The following PSMC5 variants were observed in gnomAD, a reference collection of about 807,000 sequenced individuals.
PSMC5 encodes the protein 26S proteasome regulatory subunit 8.
Under a neutral mutation model 49.1 loss-of-function variants are expected in PSMC5, and 11 were observed. The ratio of observed to expected loss-of-function variants is 0.22; its 90% CI spans 0.14 to 0.37. PSMC5 has a LOEUF of 0.37. Ranked by LOEUF, PSMC5 falls within the 10% of genes least tolerant of loss-of-function variation. The pLI is 1.00. For missense variants in PSMC5, 229 were observed against 520.9 expected (o/e 0.44, Z 5.45); for synonymous variants, 206 against 192.2 (o/e 1.07, Z -0.59).
chr17:63,827,767 C>A, intron 1 of PSMC5: 1 of 1,431,666 alleles, frequency 7.0e-7, no homozygotes, highest in Non-Finnish European at 9.1e-7. Context: ...AATGGCCGGC[C>A]CACGGGTCGC....
rs1281981456 is a variant in PSMC5, at chr17:63,831,871, T to G, written c.1168-45T>G. 2 of 1,612,558 alleles carry G rather than the reference T, an allele frequency of 1.2e-6. No individual in the cohort carries two copies. The highest frequency in any genetic ancestry group is 1.7e-5 in the Admixed American group (1 of 60,022). On this transcript the variant is annotated intron_variant, in intron 11 of 11. Transcript: ENST00000310144. The surrounding 1 kb of genome is among the most constrained non-coding windows in gnomAD (Gnocchi z 6.3). ...GGCTCTGGGGCAGTGGGCTAGGGCA[T>G]GTGTGTGTTCGTAACTTAATGTTCA...
In PSMC5 at chr17:63,830,805, G is replaced by A; in HGVS notation, c.553-4G>A. On this transcript the variant is annotated splice_region_variant and splice_polypyrimidine_tract_variant and intron_variant, in intron 6 of 11. Coordinates refer to ENST00000310144, the MANE Select transcript of PSMC5 (RefSeq NM_002805.6). This position sits in a 1 kb window ranked among gnomAD's most constrained non-coding sequence, Gnocchi z 4.0. ...CTGCCCTGAGTCCTGCTGTTCCCCT[G>A]TAGGGAGTGCTGCTGTATGGACCTC... is the stretch of plus-strand genomic sequence containing the variant. 1.9e-6 allele frequency: 3 copies of A among 1,613,898 alleles called. No homozygotes were observed. Among genetic ancestry groups the A allele is most frequent in the Middle Eastern group, 1.6e-4 (1 of 6,062 alleles).
chr17:63,827,658 G>A, intron 1 of PSMC5, 144 bp downstream of exon 1: 2 of 1,493,972 alleles, frequency 1.3e-6, no homozygotes, highest in Admixed American at 4.6e-5. Flanking sequence ...GCCTGCGACC[G>A]GATCTGCTGT....
At position 63,830,778 on chromosome 17, in the gene PSMC5, T is replaced by C; in HGVS notation, c.553-31T>C. 5 of 1,612,900 alleles carry C rather than the reference T, an allele frequency of 3.1e-6. No individual in the cohort carries two copies. The highest frequency in any genetic ancestry group is 4.2e-6 in the Non-Finnish European group (5 of 1,179,386). On this transcript the variant is annotated intron_variant, in intron 6 of 11. Transcript: ENST00000310144. This position sits in a 1 kb window ranked among gnomAD's most constrained non-coding sequence, Gnocchi z 4.0. ...ACTGAATGAAATGAGGGGTGTAGCTTTCTGCCCTGAGTCCTGCTGTTCCCC... is the reference window on the plus strand; with the variant it reads ...ACTGAATGAAATGAGGGGTGTAGCTCTCTGCCCTGAGTCCTGCTGTTCCCC...
Position 63,830,352 on chromosome 17 carries a change from G to T in PSMC5, c.403G>T (p.Val135Leu). 1 of 1,614,242 alleles carries T rather than the reference G, an allele frequency of 6.2e-7. No individual in the cohort carries two copies. Among genetic ancestry groups the T allele is most frequent in the South Asian group, 1.1e-5 (1 of 91,086 alleles). ...KILPNKVDPL[V>L]SLMMVEKVPD... is the part of the protein sequence containing the mutation. ...CCTGCCCAACAAGGTAGACCCATTA[G>T]TGTCACTGATGATGGTGGAGAAAGT... The change falls in exon 6 of 12, where the codon GTG (valine) becomes TTG (leucine). Residue 135 changes from valine (V) to leucine (L), a missense_variant. Around this residue, in one of 4 missense-constraint regions of PSMC5, gnomAD observed 10 missense variants for 22.3 expected, o/e 0.45. Coordinates refer to ENST00000310144, the MANE Select transcript of PSMC5 (RefSeq NM_002805.6). This position sits in a 1 kb window ranked among gnomAD's most constrained non-coding sequence, Gnocchi z 4.0.
Position 63,831,746 on chromosome 17 carries a change from T to C in PSMC5, c.1103T>C (p.Met368Thr), listed in dbSNP as rs1309185813. 1 of 1,614,172 alleles carries C rather than the reference T, an allele frequency of 6.2e-7. No individual in the cohort carries two copies. Among genetic ancestry groups the C allele is most frequent in the Admixed American group, 1.7e-5 (1 of 60,032 alleles). Residue 368 changes from methionine (M) to threonine (T), a missense_variant, in exon 11 of 12, where the codon ATG becomes ACG. By Grantham distance (81) the Met-to-Thr change is moderately conservative. Around this residue, in one of 4 missense-constraint regions of PSMC5, gnomAD observed 121 missense variants for 330.6 expected, o/e 0.37. Coordinates refer to ENST00000310144, the MANE Select transcript of PSMC5 (RefSeq NM_002805.6). The surrounding 1 kb of genome is among the most constrained non-coding windows in gnomAD (Gnocchi z 6.3). ...CAGGGCGTGTGCACAGAAGCTGGCA[T>C]GTATGCCCTGCGAGAACGGCGAGTC... ...EVKGVCTEAG[M>T]YALRERRVHV...
In PSMC5 at chr17:63,830,565, T is replaced by C; in HGVS notation, c.552+64T>C. On this transcript the variant is annotated intron_variant, in intron 6 of 11. Transcript: ENST00000310144. The surrounding 1 kb of genome is among the most constrained non-coding windows in gnomAD (Gnocchi z 4.0). Reference sequence around the variant, plus strand: ...TTACTCCTCCTGCCCCAGCCAGCCCTACTGCAGGGGTTGGGGAGGCACCGG... The same window carrying C: ...TTACTCCTCCTGCCCCAGCCAGCCCCACTGCAGGGGTTGGGGAGGCACCGG... 1 of 1,581,844 alleles carries C rather than the reference T, an allele frequency of 6.3e-7. No homozygotes were observed. Among genetic ancestry groups the C allele is most frequent in the Non-Finnish European group, 8.6e-7 (1 of 1,165,680 alleles).
At chr17:63,827,750 G>A in intron 1 of PSMC5, 3 of 1,432,872 alleles carry the variant, frequency 2.1e-6, no homozygotes, top group Non-Finnish European at 2.7e-6. Flanking sequence ...GAAGCGATGG[G>A]CGCGGGAATG....
Position 63,828,220 on chromosome 17 carries a change from A to T in PSMC5, c.96+11A>T. The T allele has an allele frequency of 6.2e-7, 1 of 1,613,672 alleles. No individual in the cohort carries two copies. Among genetic ancestry groups the T allele is most frequent in the Non-Finnish European group, 8.5e-7 (1 of 1,179,758 alleles). On this transcript the variant is annotated intron_variant, in intron 2 of 11. Coordinates refer to ENST00000310144, the MANE Select transcript of PSMC5 (RefSeq NM_002805.6). ...ATTGAAGAACTCCAGGTGAGGACGG[A>T]CTCCAGAGGGAGCTAGGAAGGGTGA...
Position 63,831,451 on chromosome 17 carries a change from G to A in PSMC5, c.969+26G>A. On this transcript the variant is annotated intron_variant, in intron 9 of 11. Coordinates refer to ENST00000310144, the MANE Select transcript of PSMC5 (RefSeq NM_002805.6). This position sits in a 1 kb window ranked among gnomAD's most constrained non-coding sequence, Gnocchi z 6.3. ...GTTTGTGATGGACACTGTGCAAAGT[G>A]GCTCTGGCTGTGGGGGTGGGGTGTG... The A allele has an allele frequency of 6.2e-7, 1 of 1,613,084 alleles. No individual in the cohort carries two copies. The highest frequency in any genetic ancestry group is 8.5e-7 in the Non-Finnish European group (1 of 1,179,128).
At chr17:63,829,831 C>G (rs887093895) in intron 3 of PSMC5, 21 bp from the exon 4 acceptor site, 3 of 1,611,966 alleles carry the variant, frequency 1.9e-6, no homozygotes, top group East Asian at 2.2e-5. Context: ...TAGGTGACCA[C>G]TGTGTCTGTT....
chr17:63,830,043 C>T lies in PSMC5; in HGVS notation c.265-90C>T. 6.4e-7 allele frequency: 1 copy of T among 1,569,340 alleles called. No individual in the cohort carries two copies. Among genetic ancestry groups the T allele is most frequent in the Non-Finnish European group, 8.7e-7 (1 of 1,153,018 alleles). The stretch of plus-strand genomic sequence containing the variant: ...CGGGAGACAGGGTTCTGTGTTCTGT[C>T]AAGGTATTGTGGGATTCTCATAGGT... On this transcript the variant is annotated intron_variant, in intron 4 of 11. Coordinates refer to ENST00000310144, the MANE Select transcript of PSMC5 (RefSeq NM_002805.6). The surrounding 1 kb of genome is among the most constrained non-coding windows in gnomAD (Gnocchi z 4.0).
At position 63,830,052 on chromosome 17, in the gene PSMC5, G is replaced by A; in HGVS notation, c.265-81G>A. The A allele has an allele frequency of 6.3e-7, 1 of 1,575,426 alleles. No individual in the cohort carries two copies. The highest frequency in any genetic ancestry group is 8.6e-7 in the Non-Finnish European group (1 of 1,156,890). On this transcript the variant is annotated intron_variant, in intron 4 of 11. Coordinates refer to ENST00000310144, the MANE Select transcript of PSMC5 (RefSeq NM_002805.6). The surrounding 1 kb of genome is among the most constrained non-coding windows in gnomAD (Gnocchi z 4.0). Reference sequence around the variant, plus strand: ...GGGTTCTGTGTTCTGTCAAGGTATTGTGGGATTCTCATAGGTCTTCCTGGG... The same window carrying A: ...GGGTTCTGTGTTCTGTCAAGGTATTATGGGATTCTCATAGGTCTTCCTGGG...
chr17:63,829,604 T>C (rs1215639618), intron 3 of PSMC5, 41 bp downstream of exon 3: 1 of 1,539,030 alleles, frequency 6.5e-7, no homozygotes, highest in South Asian at 1.2e-5. Flanking sequence ...GGGCAGTTTG[T>C]CTGAGGTCTG....
intron 1 of PSMC5, 169 bp downstream of exon 1, chr17:63,827,683 C>T: frequency 2.0e-6 from 3 of 1,466,080 alleles, no homozygotes; most frequent in East Asian, 2.5e-5. Context: ...GCGCCGCCCT[C>T]GGTGAGTCAG....
chr17:63,831,898 T>G lies in PSMC5; in HGVS notation c.1168-18T>G, dbSNP rs764792316. The G allele has an allele frequency of 6.2e-7, 1 of 1,613,708 alleles. No homozygotes were observed. The highest frequency in any genetic ancestry group is 1.7e-5 in the Admixed American group (1 of 60,018). ...TGTGTGTTCGTAACTTAATGTTCAT[T>G]CTCTCTCCCACCCCTAGGTCATGCA... On this transcript the variant is annotated intron_variant, in intron 11 of 11. Coordinates refer to ENST00000310144, the MANE Select transcript of PSMC5 (RefSeq NM_002805.6). This position sits in a 1 kb window ranked among gnomAD's most constrained non-coding sequence, Gnocchi z 6.3.
Position 63,829,368 on chromosome 17 carries a change from G to C in PSMC5, c.97-126G>C, listed in dbSNP as rs112165095. On this transcript the variant is annotated intron_variant, in intron 2 of 11. Coordinates refer to ENST00000310144, the MANE Select transcript of PSMC5 (RefSeq NM_002805.6). ...TCATTAGGATCATACTGGAGAATCT[G>C]AAACAACATGCAGGTGCCCTGTGCC... 81 of 810,468 alleles carry C rather than the reference G, an allele frequency of 1.0e-4. 1 individual carries two copies. The African/African-American group carries it at 1.1e-3, about 11-fold the overall frequency. 50.2% of individuals were successfully genotyped at this position (810,468 alleles called of 1,614,324 possible). A position where few individuals can be genotyped will look rare whatever the true frequency, so the allele number is the denominator to read the frequency against.
chr17:63,829,480 CT>C lies in PSMC5; in HGVS notation c.97-12del, dbSNP rs1567756983. The C allele has an allele frequency of 6.4e-7, 1 of 1,552,388 alleles. No individual in the cohort carries two copies. Among genetic ancestry groups the C allele is most frequent in the African/African-American group, 1.4e-5 (1 of 73,172 alleles). ...TGCCCTTGAATAATGGAATTTGTCTCTTGTCTGCCACAGCTGATTGTGAATG... is the reference window on the plus strand; with the variant it reads ...TGCCCTTGAATAATGGAATTTGTCTCTGTCTGCCACAGCTGATTGTGAATG... On this transcript the variant is annotated splice_polypyrimidine_tract_variant and intron_variant, in intron 2 of 11. Coordinates refer to ENST00000310144, the MANE Select transcript of PSMC5 (RefSeq NM_002805.6).
In PSMC5 at chr17:63,831,324, C is replaced by T. The variant is rs1375864491; in HGVS notation, c.871-3C>T. On this transcript the variant is annotated splice_polypyrimidine_tract_variant and splice_region_variant and intron_variant, in intron 8 of 11. Transcript: ENST00000310144. The surrounding 1 kb of genome is among the most constrained non-coding windows in gnomAD (Gnocchi z 6.3). ...CTGATCCCCACTTGCTTTCTCTGCT[C>T]AGGTTATCATGGCTACTAATAGGAT... 4 of 1,613,808 alleles carry T rather than the reference C, an allele frequency of 2.5e-6. No individual in the cohort carries two copies. The South Asian group carries it at 4.4e-5, about 18-fold the overall frequency.
Sources: allele counts gnomAD v4.1 joint callset, GRCh38; gene constraint gnomAD v4.1.1; regional missense constraint gnomAD v4.1.1; non-coding constraint Gnocchi (gnomAD v3.1); transcripts MANE v1.5; gene names NCBI Gene and HGNC (gene_info 2026-07-23, HGNC 2026-07-21).